MECOM: variants seen among roughly 807,000 people sequenced by gnomAD.
MECOM encodes the protein MDS1 and EVI1 complex locus.
MECOM carries 13 observed loss-of-function variants against 116.3 expected under a neutral mutation model. That is an observed-to-expected ratio of 0.11 (90% CI 0.07 to 0.18). The LOEUF is 0.18. Among genes scored for constraint, MECOM ranks in the 10% least tolerant of loss-of-function variants. The probability of loss-of-function intolerance (pLI) is 1.00; values close to 1 mark genes in which losing one functional copy is unlikely to be tolerated. For synonymous variants in MECOM, 528 were observed against 535.2 expected (o/e 0.99, Z 0.19); for missense variants, 1,299 against 1,509.0 (o/e 0.86, Z 2.31).
intron 1 of MECOM, among the ~76,000 whole-genome samples, chr3:169,518,950 G>A (rs1257010944): frequency 6.6e-6 from 1 of 152,166 alleles, no homozygotes; most frequent in Non-Finnish European, 1.5e-5. Context: ...CCCCAGCCAT[G>A]TGGAATGGTA....
chr3:169,443,787 A>T (rs866046676), intron 1 of MECOM, among the ~76,000 whole-genome samples: 7 of 152,194 alleles, frequency 4.6e-5, no homozygotes, highest in South Asian at 2.1e-4. Context: ...TTGGGCTTTC[A>T]TTTTAGCAAT....
At chr3:169,212,633 AATGTATATATATATATATATAT>A (rs770211584) in intron 2 of MECOM, among the ~76,000 whole-genome samples, 4,816 of 85,496 alleles carry the variant, frequency 0.056, 612 homozygotes, top group African/African-American at 0.13. Context: ...TCTAGTCAGC[AATGTATATATATATATATATAT>A]ATATATATAT....
intron 2 of MECOM, among the ~76,000 whole-genome samples, chr3:169,378,240 G>A (rs1731386783): frequency 6.6e-6 from 1 of 150,886 alleles, no homozygotes; most frequent in African/African-American, 2.4e-5. Context: ...GTTGATGGGT[G>A]CAGCAAACCA....
chr3:169,274,235 G>A (rs575413767), intron 2 of MECOM, among the ~76,000 whole-genome samples: 1 of 152,126 alleles, frequency 6.6e-6, no homozygotes, highest in Admixed American at 6.5e-5. Flanking sequence ...AAAAATGAGT[G>A]AGGAGTACTG....
intron 2 of MECOM, among the ~76,000 whole-genome samples, chr3:169,255,035 A>G (rs1756696490): frequency 6.6e-6 from 1 of 152,186 alleles, no homozygotes; most frequent in Non-Finnish European, 1.5e-5. Context: ...GAAAGGATGC[A>G]CAAACACTGA....
chr3:169,503,649 T>G (rs557010322), intron 1 of MECOM, among the ~76,000 whole-genome samples: 1 of 152,208 alleles, frequency 6.6e-6, no homozygotes, highest in Non-Finnish European at 1.5e-5. Flanking sequence ...TCTTAATGGA[T>G]GTACATCTCA....
At chr3:169,528,130 C>T (rs1197120429) in intron 1 of MECOM, among the ~76,000 whole-genome samples, 2 of 152,166 alleles carry the variant, frequency 1.3e-5, no homozygotes, top group Non-Finnish European at 2.9e-5. Context: ...TCAGACATGA[C>T]CCATAAAACG....
chr3:169,576,838 C>CACAGAGAG (rs368016499), intron 1 of MECOM, among the ~76,000 whole-genome samples: 281 of 125,076 alleles, frequency 2.2e-3, no homozygotes, highest in African/African-American at 2.1e-3. Context: ...CACACACACA[C>CACAGAGAG]AGAGAGAGAG....
chr3:169,335,018 TG>T (rs1358921214), intron 2 of MECOM, among the ~76,000 whole-genome samples: 2 of 152,180 alleles, frequency 1.3e-5, no homozygotes, highest in African/African-American at 4.8e-5. Flanking sequence ...TCTGCTGGCC[TG>T]TGGCAAATAA....
chr3:169,148,251 C>T (rs1227777012), intron 2 of MECOM, among the ~76,000 whole-genome samples: 1 of 152,082 alleles, frequency 6.6e-6, no homozygotes, highest in African/African-American at 2.4e-5. Context: ...ATTAAAACAC[C>T]TTGAACGCCA....
intron 1 of MECOM, among the ~76,000 whole-genome samples, chr3:169,439,461 G>A (rs1310880571): frequency 2.0e-5 from 3 of 151,388 alleles, no homozygotes; most frequent in African/African-American, 7.3e-5. Flanking sequence ...TGTTAAAATA[G>A]GCCATAGACA....
chr3:169,089,083 A>G lies in MECOM; in HGVS notation c.3502T>C (p.Ser1168Pro). ...KMRKMEDNQYSEAELSSFSTS... is the reference protein window; with the variant it reads ...KMRKMEDNQYPEAELSSFSTS... ...CTAAAAGAAGACAGCTCAGCTTCAGAATATTGATTATCTTCCATTTTCCTC... is the reference window on the plus strand; with the variant it reads ...CTAAAAGAAGACAGCTCAGCTTCAGGATATTGATTATCTTCCATTTTCCTC... Residue 1168 changes from serine to proline, a missense_variant, in exon 16 of 17, where the codon TCT (serine) becomes CCT (proline). By Grantham distance (74) the Ser-to-Pro change is moderately conservative (BLOSUM62 -1). Transcript: ENST00000651503. 1 of 1,610,980 alleles carries G rather than the reference A, an allele frequency of 6.2e-7. No homozygotes were observed. The highest frequency in any genetic ancestry group is 8.5e-7 in the Non-Finnish European group (1 of 1,178,668).
chr3:169,277,291 T>A (rs1428991163), intron 2 of MECOM, among the ~76,000 whole-genome samples: 1 of 152,132 alleles, frequency 6.6e-6, no homozygotes, highest in African/African-American at 2.4e-5. Flanking sequence ...AGCTCAAACA[T>A]ACTACCTCCC....
chr3:169,113,287 T>A (rs1728032943), intron 8 of MECOM, among the ~76,000 whole-genome samples: 1 of 152,142 alleles, frequency 6.6e-6, no homozygotes, highest in Non-Finnish European at 1.5e-5. Flanking sequence ...CTCCCAAATG[T>A]GCACTTTATT....
chr3:169,502,430 C>CT (rs1207783574), intron 1 of MECOM, among the ~76,000 whole-genome samples: 1 of 152,104 alleles, frequency 6.6e-6, no homozygotes, highest in East Asian at 1.9e-4. Flanking sequence ...TCCTGCTTTC[C>CT]TTTAATTCTG....
intron 2 of MECOM, among the ~76,000 whole-genome samples, chr3:169,255,924 T>C (rs1004125431): frequency 6.6e-5 from 10 of 152,052 alleles, no homozygotes; most frequent in South Asian, 2.1e-4. Flanking sequence ...ATGAATGGCT[T>C]CAAGTTATAG....
At chr3:169,430,831 G>T (rs932720171) in intron 1 of MECOM, among the ~76,000 whole-genome samples, 3 of 151,938 alleles carry the variant, frequency 2.0e-5, no homozygotes. Flanking sequence ...AATACTTTAG[G>T]TTTACCTTTG....
chr3:169,412,506 C>A (rs903241338), intron 1 of MECOM, among the ~76,000 whole-genome samples: 1 of 152,012 alleles, frequency 6.6e-6, no homozygotes, highest in Admixed American at 6.6e-5. Flanking sequence ...TCATACCAGA[C>A]AAATGCTCCT....
intron 1 of MECOM, among the ~76,000 whole-genome samples, chr3:169,620,979 G>A (rs900140657): frequency 4.6e-5 from 7 of 152,248 alleles, no homozygotes; most frequent in Middle Eastern, 3.4e-3. Context: ...AGAGCTCTGC[G>A]GTCTTAAGAA....
Sources: gnomAD v4.1 joint callset for allele counts (sites outside exome capture counted in the v4.1 genomes callset) on GRCh38, gnomAD v4.1.1 for gene constraint, MANE v1.5 for transcripts, NCBI Gene and HGNC (gene_info 2026-07-23, HGNC 2026-07-21) for gene names.